USP13: variants seen among roughly 807,000 people sequenced by gnomAD.
USP13 encodes ubiquitin specific peptidase 13.
Under a neutral mutation model 107.8 loss-of-function variants are expected in USP13, and 68 were observed. The ratio of observed to expected loss-of-function variants is 0.63; its 90% CI spans 0.52 to 0.77. The LOEUF (loss-of-function observed/expected upper bound fraction) is 0.77, where lower values mean the gene tolerates loss of function less well. USP13 is among the 30% of genes least tolerant of loss of function. The pLI, the probability that USP13 is intolerant of heterozygous loss-of-function variation, is 0.00. For synonymous variants in USP13, 377 were observed against 389.5 expected, an observed-to-expected ratio of 0.97 and a Z score of 0.38; for missense variants, 945 against 1,093.3, an observed-to-expected ratio of 0.86 and a Z score of 1.91.
intron 1 of USP13, among the ~76,000 whole-genome samples, chr3:179,666,812 C>G (rs1720600413): frequency 6.6e-6 from 1 of 152,242 alleles, no homozygotes; most frequent in Non-Finnish European, 1.5e-5. Context: ...AGCCGCCCAC[C>G]TGGCTCCTGT....
chr3:179,734,659 T>C (rs985075570), intron 10 of USP13, among the ~76,000 whole-genome samples: 2 of 152,252 alleles, frequency 1.3e-5, no homozygotes, highest in African/African-American at 4.8e-5. Flanking sequence ...CTTTGAAATA[T>C]GAGTAATAGT....
At chr3:179,761,396 G>A in intron 17 of USP13, 141 bp downstream of exon 17, 1 of 1,145,792 alleles carries the variant, frequency 8.7e-7, no homozygotes, top group African/African-American at 1.6e-5. Flanking sequence ...GGAGGAGAAA[G>A]CCAGTCTTTT....
At chr3:179,656,463 G>A (rs191843450) in intron 1 of USP13, among the ~76,000 whole-genome samples, 1 of 152,242 alleles carries the variant, frequency 6.6e-6, no homozygotes, top group Non-Finnish European at 1.5e-5. Flanking sequence ...TATGAGTAGT[G>A]TATTAGTATC....
chr3:179,696,522 G>A (rs12486379), intron 3 of USP13, among the ~76,000 whole-genome samples: 7,019 of 151,982 alleles, frequency 0.046, 362 homozygotes, highest in Middle Eastern at 0.12. Flanking sequence ...TAGTAGAGAC[G>A]GGGTTTCGCC....
chr3:179,754,197 T>C (rs1714706862), intron 14 of USP13, among the ~76,000 whole-genome samples: 1 of 152,036 alleles, frequency 6.6e-6, no homozygotes, highest in African/African-American at 2.4e-5. Flanking sequence ...CTAGAAAAAC[T>C]GCCATAAGAC....
At chr3:179,692,191 G>C (rs146766168) in intron 3 of USP13, among the ~76,000 whole-genome samples, 1 of 152,154 alleles carries the variant, frequency 6.6e-6, no homozygotes, top group Non-Finnish European at 1.5e-5. Context: ...GCTCTTTCCC[G>C]GTAATAGAAT....
intron 10 of USP13, among the ~76,000 whole-genome samples, chr3:179,734,953 T>C (rs1291145172): frequency 6.6e-6 from 1 of 152,216 alleles, no homozygotes. Context: ...TGTCTGGCTG[T>C]CTGTGTGGTG....
At position 179,662,825 on chromosome 3, in the gene USP13, C is replaced by T. The variant is rs559766454; in HGVS notation, c.168+9432C>T. ...ATTTTGGATCTGGACATCTGTGCAA[C>T]TCTGAATTCTCTTTTTCCTCCCCTG... is the stretch of plus-strand genomic sequence containing the variant. On this transcript the variant is annotated intron_variant, in intron 1 of 20. Coordinates refer to ENST00000263966, the MANE Select transcript of USP13 (RefSeq NM_003940.3). 2.0e-5 allele frequency among the ~76,000 whole-genome samples: 3 copies of T among 152,290 alleles called. No individual in the cohort carries two copies. The East Asian group carries it at 5.8e-4, about 29-fold the overall frequency.
At chr3:179,744,455 TG>T (rs954292037) in intron 12 of USP13, among the ~76,000 whole-genome samples, 4 of 152,186 alleles carry the variant, frequency 2.6e-5, no homozygotes, top group African/African-American at 9.7e-5. Context: ...GTGTGATCAT[TG>T]GCAAAAATTG....
chr3:179,656,123 T>G (rs1425738376), intron 1 of USP13, among the ~76,000 whole-genome samples: 1 of 152,084 alleles, frequency 6.6e-6, no homozygotes, highest in African/African-American at 2.4e-5. Flanking sequence ...ATAAGGGAGA[T>G]CAACATTCAA....
intron 14 of USP13, among the ~76,000 whole-genome samples, chr3:179,753,420 GA>G (rs1205495927): frequency 6.6e-6 from 1 of 152,182 alleles, no homozygotes; most frequent in Non-Finnish European, 1.5e-5. Flanking sequence ...CCATGGACCT[GA>G]AAAGCACCTG....
intron 19 of USP13, among the ~76,000 whole-genome samples, chr3:179,771,426 G>A (rs1715339594): frequency 6.6e-6 from 1 of 152,208 alleles, no homozygotes; most frequent in South Asian, 2.1e-4. Flanking sequence ...GCTGAGAAGG[G>A]ACAGGTTGAT....
intron 19 of USP13, among the ~76,000 whole-genome samples, chr3:179,781,230 C>T (rs1715736685): frequency 6.6e-6 from 1 of 152,196 alleles, no homozygotes; most frequent in Admixed American, 6.5e-5. Context: ...TTATCCTTTT[C>T]TACAAATGAT....
At chr3:179,715,305 C>T (rs1376577878) in intron 6 of USP13, among the ~76,000 whole-genome samples, 1 of 151,788 alleles carries the variant, frequency 6.6e-6, no homozygotes, top group African/African-American at 2.4e-5. Context: ...GGATTATAAC[C>T]TATTCTCTCT....
Position 179,721,489 on chromosome 3 carries a change from A to G in USP13, c.988A>G (p.Met330Val), listed in dbSNP as rs767730201. Residue 330 changes from methionine (M) to valine (V), a missense_variant, in exon 8 of 21, where the codon ATG (methionine) becomes GTG (valine). Transcript: ENST00000263966. This position sits in a 1 kb window ranked among gnomAD's most constrained non-coding sequence, Gnocchi z 4.3. The part of the protein sequence containing the change: ...IQESGTKLKP[M>V]YGPGYTGLKN... ...GGAGTCGGGCACGAAACTGAAGCCAATGTATGGTCCTGGCTACACGGGTCT... is the reference window on the plus strand; with the variant it reads ...GGAGTCGGGCACGAAACTGAAGCCAGTGTATGGTCCTGGCTACACGGGTCT... 4.3e-6 allele frequency: 7 copies of G among 1,614,072 alleles called. No homozygotes were observed. In the Admixed American group the frequency reaches 8.3e-5, roughly 19 times the overall value.
chr3:179,734,510 G>C (rs562058500), intron 10 of USP13, among the ~76,000 whole-genome samples: 2 of 152,290 alleles, frequency 1.3e-5, no homozygotes, highest in African/African-American at 4.8e-5. Flanking sequence ...ACACATACTT[G>C]CTGGTCTCAA....
chr3:179,681,936 A>G lies in USP13; in HGVS notation c.227A>G (p.His76Arg), dbSNP rs1159115926. 9 of 1,614,018 alleles carry G rather than the reference A, an allele frequency of 5.6e-6. No homozygotes were observed. The highest frequency in any genetic ancestry group is 7.6e-6 in the Non-Finnish European group (9 of 1,179,998). ...MNTFLAFGREHVERHFRKTGQ... is the reference protein window; with the variant it reads ...MNTFLAFGRERVERHFRKTGQ... ...ACATTTTTGGCCTTTGGAAGGGAAC[A>G]TGTTGAAAGACATTTTCGAAAAACT... Residue 76 changes from histidine to arginine, a missense_variant, in exon 2 of 21, where the codon CAT (histidine) becomes CGT (arginine). Coordinates refer to ENST00000263966, the MANE Select transcript of USP13 (RefSeq NM_003940.3).
At chr3:179,706,750 G>A (rs1243066008) in intron 4 of USP13, among the ~76,000 whole-genome samples, 184 bp from the exon 5 acceptor site, 1 of 152,182 alleles carries the variant, frequency 6.6e-6, no homozygotes, top group Non-Finnish European at 1.5e-5. Flanking sequence ...CAAACACTAG[G>A]CCAGGGACAA....
intron 1 of USP13, among the ~76,000 whole-genome samples, chr3:179,666,205 A>T (rs1305916837): frequency 1.3e-5 from 2 of 152,192 alleles, no homozygotes; most frequent in East Asian, 3.9e-4. Context: ...TGAGCAAGGG[A>T]ACAGCATGAG....
Sources: allele counts gnomAD v4.1 joint callset (sites outside exome capture counted in the v4.1 genomes callset), GRCh38; gene constraint gnomAD v4.1.1; non-coding constraint Gnocchi (gnomAD v3.1); transcripts MANE v1.5; gene names NCBI Gene and HGNC (gene_info 2026-07-23, HGNC 2026-07-21).